MAN2A2: variants seen among roughly 807,000 people sequenced by gnomAD.
MAN2A2 encodes alpha-mannosidase 2x.
A neutral mutation model predicts 126.8 loss-of-function variants in MAN2A2; 79 were observed. The observed-to-expected ratio is 0.62, with a 90% confidence interval of 0.52 to 0.75. MAN2A2 has a LOEUF of 0.75. Among genes scored for constraint, MAN2A2 ranks in the 30% least tolerant of loss-of-function variants. MAN2A2 has a pLI of 0.00. For missense variants in MAN2A2, 1,392 were observed against 1,522.4 expected (o/e 0.91, Z 1.43); for synonymous variants, 671 against 618.7 (o/e 1.08, Z -1.25).
At position 90,906,863 on chromosome 15, in the gene MAN2A2, A is replaced by G; in HGVS notation, c.959A>G (p.Lys320Arg). ...CAGAGAGTGCACTATGCCATCAAGA[A>G]GCACTTTGCTGCCACCCACAGCCTA... The part of the protein sequence containing the change: ...LIQRVHYAIK[K>R]HFAATHSLEF... Residue 320 changes from lysine (K) to arginine (R), a missense_variant, in exon 7 of 23, where the codon AAG becomes AGG. Coordinates refer to ENST00000559717, the MANE Select transcript of MAN2A2 (RefSeq NM_006122.4). 1 of 1,614,094 alleles carries G rather than the reference A, an allele frequency of 6.2e-7. No homozygotes were observed. The highest frequency in any genetic ancestry group is 8.5e-7 in the Non-Finnish European group (1 of 1,179,988).
rs745801814 is a variant in MAN2A2, at chr15:90,918,298, C to G, written c.3099C>G (p.Leu1033=). Residue 1033 remains leucine, a synonymous_variant, in exon 21 of 23, where the codon CTC becomes CTG. Coordinates refer to ENST00000559717, the MANE Select transcript of MAN2A2 (RefSeq NM_006122.4). ...ALALPVARMQ[L]PGPGLRSFHP... is the part of the protein sequence containing the mutation. ...CTCTGCCTGTAGCCAGGATGCAGCT[C>G]CCAGGCCCTGGTCTGCGCTCATTTC... 2 of 1,614,216 alleles carry G rather than the reference C, an allele frequency of 1.2e-6. No homozygotes were observed. Among genetic ancestry groups the G allele is most frequent in the South Asian group, 2.2e-5 (2 of 91,084 alleles).
intron 5 of MAN2A2, 67 bp from the exon 6 acceptor site, chr15:90,906,303 C>T: frequency 6.3e-7 from 1 of 1,599,628 alleles, no homozygotes; most frequent in Non-Finnish European, 8.5e-7. Context: ...CAGGCCCTGA[C>T]ATTTGCTGGT....
Position 90,919,919 on chromosome 15 carries a change from A to G in MAN2A2, c.*132A>G, listed in dbSNP as rs575646723. The G allele has an allele frequency of 9.1e-7, 1 of 1,103,632 alleles. No individual in the cohort carries two copies. The highest frequency in any genetic ancestry group is 2.5e-5 in the East Asian group (1 of 39,580). 68.4% of individuals were successfully genotyped at this position (1,103,632 alleles called of 1,614,324 possible). On this transcript the variant is annotated 3_prime_UTR_variant, in exon 23 of 23. Transcript: ENST00000559717. Reference sequence around the variant, plus strand: ...CTGTGACACACTGGGCTCTGCCCTCATTTTCTGTTTATTGCTGCTGCTGTG... The same window carrying G: ...CTGTGACACACTGGGCTCTGCCCTCGTTTTCTGTTTATTGCTGCTGCTGTG...
In MAN2A2 at chr15:90,910,910, G is replaced by A. The variant is rs554820880; in HGVS notation, c.1824G>A (p.Leu608=). The part of the protein sequence containing the change: ...VIIHAAHYLV[L]GDKETYHFDP... Reference sequence around the variant, plus strand: ...TTCATGCAGCCCACTATCTGGTGCTGGGGGACAAGGAGACCTACCACTTTG... The same window carrying A: ...TTCATGCAGCCCACTATCTGGTGCTAGGGGACAAGGAGACCTACCACTTTG... Residue 608 remains leucine, a synonymous_variant, in exon 12 of 23, where the codon CTG becomes CTA. Coordinates refer to ENST00000559717, the MANE Select transcript of MAN2A2 (RefSeq NM_006122.4). The A allele has an allele frequency of 8.4e-5, 136 of 1,614,124 alleles. 2 individuals carry two copies. In the South Asian group the frequency reaches 1.3e-3, roughly 16 times the overall value.
chr15:90,907,874 A>G (rs1273062997), intron 8 of MAN2A2, among the ~76,000 whole-genome samples: 1 of 152,178 alleles, frequency 6.6e-6, no homozygotes, highest in Non-Finnish European at 1.5e-5. Context: ...CAGTCCCACG[A>G]GATAGCCTCC....
chr15:90,903,211 T>G (rs1334488469), upstream of MAN2A2: 4 of 152,372 alleles, frequency 2.6e-5, no homozygotes, highest in Admixed American at 2.0e-4. Flanking sequence ...CTGCCCTCTG[T>G]GATCCAACTC....
chr15:90,909,704 C>T (rs535905362), intron 9 of MAN2A2, among the ~76,000 whole-genome samples, 200 bp downstream of exon 9: 3 of 151,870 alleles, frequency 2.0e-5, no homozygotes, highest in Non-Finnish European at 4.4e-5. Flanking sequence ...CCCGGGTTCA[C>T]GCCAGTCTCC....
Position 90,905,988 on chromosome 15 carries a change from A to C in MAN2A2, c.679A>C (p.Asn227His). 2 of 1,613,976 alleles carry C rather than the reference A, an allele frequency of 1.2e-6. No homozygotes were observed. The highest frequency in any genetic ancestry group is 2.2e-5 in the South Asian group (2 of 91,084). The change falls in exon 5 of 23, where the codon AAT becomes CAT. Residue 227 changes from asparagine to histidine, a missense_variant. Physicochemically the swap from Asn to His is moderately conservative, Grantham distance 68. Coordinates refer to ENST00000559717, the MANE Select transcript of MAN2A2 (RefSeq NM_006122.4). ...CTTCGCCAAGTGGTGGGACAACATC[A>C]ATGTCCAAAAGAGAGCGGCAGTCCG... ...SFFAKWWDNI[N>H]VQKRAAVRRL...
intron 2 of MAN2A2, 139 bp from the exon 3 acceptor site, chr15:90,905,112 A>G: frequency 3.4e-6 from 3 of 876,386 alleles, no homozygotes; most frequent in Non-Finnish European, 1.8e-6. Flanking sequence ...GAACGGTGTC[A>G]TCTATCCCTC....
chr15:90,912,702 G>A (rs1416600871), intron 16 of MAN2A2, 38 bp downstream of exon 16: 3 of 1,612,526 alleles, frequency 1.9e-6, no homozygotes, highest in South Asian at 1.1e-5. Flanking sequence ...GGCAGGGAGG[G>A]CAGGAGGGGG....
rs758642066 is a variant in MAN2A2, at chr15:90,905,439, C to T, written c.321C>T (p.Ser107=). ...SWVVPPEPRP[S]FFSISPQDCQ... is the part of the protein sequence containing the mutation. ...TGGTGCCACCGGAGCCCCGGCCCAG[C>T]TTCTTCTCCATCTCCCCGCAGGACT... is the stretch of plus-strand genomic sequence containing the variant. Residue 107 remains serine, a synonymous_variant, in exon 3 of 23, where the codon AGC becomes AGT. Coordinates refer to ENST00000559717, the MANE Select transcript of MAN2A2 (RefSeq NM_006122.4). 2 of 1,613,930 alleles carry T rather than the reference C, an allele frequency of 1.2e-6. No homozygotes were observed. The highest frequency in any genetic ancestry group is 1.7e-6 in the Non-Finnish European group (2 of 1,180,024).
In MAN2A2 at chr15:90,919,307, G is replaced by A. The variant is rs535335947; in HGVS notation, c.3301-328G>A. Among the ~76,000 whole-genome samples the A allele has an allele frequency of 7.9e-5, 12 of 152,304 alleles. No homozygotes were observed. The East Asian group carries it at 2.1e-3, about 27-fold the overall frequency. ...GGAACTGGAGTGCAGTGGCGTGATC[G>A]CAGCTCACTGCAACCCCCGCCTCCT... On this transcript the variant is annotated intron_variant, in intron 22 of 22. Coordinates refer to ENST00000559717, the MANE Select transcript of MAN2A2 (RefSeq NM_006122.4).
rs571119168 is a variant in MAN2A2, at chr15:90,919,192, G to T, written c.3300+437G>T. ...TTCTTACCCAGAGATCTGTAGGCAG[G>T]CTTTAGGGTTGAGCAAATCTCAGCA... On this transcript the variant is annotated intron_variant, in intron 22 of 22. Transcript: ENST00000559717. Among the ~76,000 whole-genome samples, 6 of 152,298 alleles carry T rather than the reference G, an allele frequency of 3.9e-5. No individual in the cohort carries two copies. The South Asian group carries it at 1.2e-3, about 32-fold the overall frequency.
Position 90,917,861 on chromosome 15 carries a change from C to G in MAN2A2, c.2995-333C>G, listed in dbSNP as rs188314192. 1.3e-3 allele frequency: 324 copies of G among 243,814 alleles called. 4 individuals carry two copies. Among genetic ancestry groups the G allele is most frequent in the Non-Finnish European group, 1.1e-4 (14 of 123,778 alleles). 15.1% of individuals were successfully genotyped at this position (243,814 alleles called of 1,614,324 possible). On this transcript the variant is annotated intron_variant, in intron 20 of 22. Transcript: ENST00000559717. ...GCTCCATGGTGAGGCCTGCGTCTGC[C>G]TGGCTGCCATCCTCCCTGCACTGTG...
rs770213618 is a variant in MAN2A2, at chr15:90,906,357, T to A, written c.708-13T>A. On this transcript the variant is annotated splice_polypyrimidine_tract_variant and intron_variant, in intron 5 of 22. Transcript: ENST00000559717. Reference sequence around the variant, plus strand: ...TGTCCTGCTCCGTCCTGAGTGTGAGTCCTTAACTATAGGCTGGTGGGAAAC... The same window carrying A: ...TGTCCTGCTCCGTCCTGAGTGTGAGACCTTAACTATAGGCTGGTGGGAAAC... The A allele has an allele frequency of 2.2e-5, 35 of 1,613,764 alleles. No homozygotes were observed. The highest frequency in any genetic ancestry group is 2.8e-5 in the Non-Finnish European group (33 of 1,179,922).
Position 90,912,894 on chromosome 15 carries a change from G to A in MAN2A2, c.2487G>A (p.Glu829=), listed in dbSNP as rs1437605545. 3.1e-6 allele frequency: 5 copies of A among 1,613,632 alleles called. No homozygotes were observed. Among genetic ancestry groups the A allele is most frequent in the Non-Finnish European group, 4.2e-6 (5 of 1,179,764 alleles). Residue 829 remains glutamate, a synonymous_variant, in exon 17 of 23, where the codon GAG becomes GAA. Transcript: ENST00000559717. ...TTCTCTAGCCCTACGTCCCCAAGGA[G>A]CCCCCCGTGCTGCGTGTCACTGAAG... is the stretch of plus-strand genomic sequence containing the variant. ...DGEAKPYVPK[E]PPVLRVTEGP...
intron 6 of MAN2A2, 98 bp from the exon 7 acceptor site, chr15:90,906,642 A>G: frequency 1.9e-6 from 3 of 1,565,094 alleles, no homozygotes; most frequent in Non-Finnish European, 2.6e-6. Flanking sequence ...CTCTCCACTC[A>G]CTACCAGGAC....
At chr15:90,906,568 G>C in intron 6 of MAN2A2, 71 bp downstream of exon 6, 1 of 1,609,358 alleles carries the variant, frequency 6.2e-7, no homozygotes, top group Non-Finnish European at 8.5e-7. Context: ...GTAAGGCACA[G>C]GGATCGGCAG....
At chr15:90,919,075 C>T (rs756106116) in intron 22 of MAN2A2, among the ~76,000 whole-genome samples, 5 of 152,200 alleles carry the variant, frequency 3.3e-5, no homozygotes, top group Non-Finnish European at 5.9e-5. Flanking sequence ...TAAATGTCCC[C>T]GGGTGCCAGG....
Sources: gnomAD v4.1 joint callset for allele counts (sites outside exome capture counted in the v4.1 genomes callset) on GRCh38, gnomAD v4.1.1 for gene constraint, MANE v1.5 for transcripts, NCBI Gene and HGNC (gene_info 2026-07-23, HGNC 2026-07-21) for gene names.